The following TRPC7 variants were observed in gnomAD, a reference collection of about 807,000 sequenced individuals.
TRPC7 encodes the protein short transient receptor potential channel 7.
In TRPC7, 42 loss-of-function variants were observed where a neutral mutation model predicts 90.1. That is an observed-to-expected ratio of 0.47 (90% CI 0.36 to 0.60). The LOEUF (loss-of-function observed/expected upper bound fraction) is 0.60. Among genes scored for constraint, TRPC7 ranks in the 20% least tolerant of loss-of-function variants. TRPC7 has a pLI of 0.00. For missense variants in TRPC7, 955 were observed against 1,112.3 expected (o/e 0.86, Z 2.01); for synonymous variants, 451 against 436.3 (o/e 1.03, Z -0.42).
chr5:136,240,511 C>A lies in TRPC7; in HGVS notation c.1844+6960G>T, dbSNP rs755504399. Among the ~76,000 whole-genome samples, 37 of 152,222 alleles carry A rather than the reference C, an allele frequency of 2.4e-4. 1 individual carries two copies. Among genetic ancestry groups the A allele is most frequent in the Non-Finnish European group, 5.9e-5 (4 of 68,042 alleles). On this transcript the variant is annotated intron_variant, in intron 7 of 11. Coordinates refer to ENST00000513104, the MANE Select transcript of TRPC7 (RefSeq NM_020389.3). ...AAACCTGCTCTATCCAGGGGAGAATCACAGTCTGCATATTAAAGCTGAGAT... is the reference window on the plus strand; with the variant it reads ...AAACCTGCTCTATCCAGGGGAGAATAACAGTCTGCATATTAAAGCTGAGAT...
chr5:136,316,274 G>A (rs535810911), intron 2 of TRPC7, among the ~76,000 whole-genome samples: 10 of 152,190 alleles, frequency 6.6e-5, no homozygotes, highest in South Asian at 6.2e-4. Flanking sequence ...ATAACACTTC[G>A]CTCATTTACC....
At position 136,356,869 on chromosome 5, in the gene TRPC7, G is replaced by GGA; in HGVS notation, c.518_519insTC (p.Cys174ProfsTer47). The GGA allele has an allele frequency of 6.2e-7, 1 of 1,613,934 alleles. No individual in the cohort carries two copies. The highest frequency in any genetic ancestry group is 8.5e-7 in the Non-Finnish European group (1 of 1,179,944). On this transcript the variant is annotated frameshift_variant, in exon 2 of 12. Transcript: ENST00000513104. LOFTEE classifies it high-confidence loss of function. ...TGTGCACGATCTCATACTCCTGGCAGTGCGCCGCCAGGATGATGGGCGTGA... is the reference window on the plus strand; with the variant it reads ...TGTGCACGATCTCATACTCCTGGCAGGATGCGCCGCCAGGATGATGGGCGTGA...
chr5:136,268,807 T>C (rs1480621551), intron 4 of TRPC7, among the ~76,000 whole-genome samples: 3 of 152,166 alleles, frequency 2.0e-5, no homozygotes, highest in Non-Finnish European at 4.4e-5. Flanking sequence ...AAAAGTGAGG[T>C]TGGGAATTGA....
intron 3 of TRPC7, among the ~76,000 whole-genome samples, chr5:136,289,598 G>T (rs1308866164): frequency 6.6e-6 from 1 of 152,234 alleles, no homozygotes; most frequent in African/African-American, 2.4e-5. Context: ...GCTGGGGGAG[G>T]GGCGCCTGCC....
intron 10 of TRPC7, 39 bp from the exon 11 acceptor site, chr5:136,216,314 C>T (rs1333981937): frequency 1.7e-5 from 26 of 1,555,490 alleles, no homozygotes; most frequent in Non-Finnish European, 2.2e-5. Context: ...ACAGGGCTGG[C>T]CTAATGCAGA....
intron 10 of TRPC7, among the ~76,000 whole-genome samples, chr5:136,223,074 T>C (rs958399341): frequency 1.3e-5 from 2 of 152,242 alleles, no homozygotes; most frequent in Non-Finnish European, 2.9e-5. Flanking sequence ...CCCTTTCCTC[T>C]GATGCCTACT....
At chr5:136,263,957 A>T (rs923034600) in intron 5 of TRPC7, among the ~76,000 whole-genome samples, 1 of 152,192 alleles carries the variant, frequency 6.6e-6, no homozygotes, top group African/African-American at 2.4e-5. Context: ...TCTTCTCTTG[A>T]TTTTTTGCAT....
chr5:136,272,880 C>T lies in TRPC7; in HGVS notation c.1128+1793G>A, dbSNP rs189322977. ...CTAGGCCCAAGAAATTCTAGAAATC[C>T]CTCTCTGCAACCACACACTTTTTAA... On this transcript the variant is annotated intron_variant, in intron 4 of 11. Transcript: ENST00000513104. Among the ~76,000 whole-genome samples, 330 of 152,204 alleles carry T rather than the reference C, an allele frequency of 2.2e-3. 3 individuals carry two copies. Among genetic ancestry groups the T allele is most frequent in the Admixed American group, 9.8e-3 (150 of 15,284 alleles).
At chr5:136,225,422 A>C (rs1755594352) in intron 9 of TRPC7, 68 bp from the exon 10 acceptor site, 1 of 1,489,244 alleles carries the variant, frequency 6.7e-7, no homozygotes, top group Non-Finnish European at 9.2e-7. Flanking sequence ...CATATCTCGT[A>C]GGACTTGAAC....
chr5:136,268,297 T>C (rs1177655182), intron 4 of TRPC7, among the ~76,000 whole-genome samples: 1 of 151,584 alleles, frequency 6.6e-6, no homozygotes, highest in Admixed American at 6.6e-5. Context: ...TGATGGGAGA[T>C]GGAGAATGAC....
At chr5:136,358,783 T>G (rs1760470004) in intron 1 of TRPC7, among the ~76,000 whole-genome samples, 1 of 152,210 alleles carries the variant, frequency 6.6e-6, no homozygotes, top group African/African-American at 2.4e-5. Context: ...TCTTAAACTT[T>G]TTTGATTCTC....
chr5:136,290,895 G>A (rs1277230619), intron 3 of TRPC7, among the ~76,000 whole-genome samples: 1 of 152,240 alleles, frequency 6.6e-6, no homozygotes, highest in African/African-American at 2.4e-5. Context: ...CAGAGAGAAA[G>A]GTTGAGTTAC....
intron 3 of TRPC7, among the ~76,000 whole-genome samples, chr5:136,290,932 C>G (rs979648642): frequency 1.3e-5 from 2 of 152,228 alleles, no homozygotes; most frequent in Non-Finnish European, 2.9e-5. Flanking sequence ...ATCAGACTAA[C>G]AGCTGATCTC....
rs560845575 is a variant in TRPC7, at chr5:136,356,932, A to G, written c.456T>C (p.Tyr152=). Residue 152 remains tyrosine (Y), a synonymous_variant, in exon 2 of 12, where the codon TAT becomes TAC. Transcript: ENST00000513104. The stretch of plus-strand genomic sequence containing the variant: ...AGCGCGTGCCGTCCTCGTCGTAGGC[A>G]TAGAAGTCGTCGTCGCGCAGCTCCT... ...LEQELRDDDF[Y]AYDEDGTRFS... is the part of the protein sequence containing the mutation. 8 of 1,613,520 alleles carry G rather than the reference A, an allele frequency of 5.0e-6. No homozygotes were observed. The South Asian group carries it at 7.7e-5, about 16-fold the overall frequency.
At chr5:136,334,514 T>C (rs1759591549) in intron 2 of TRPC7, among the ~76,000 whole-genome samples, 1 of 152,222 alleles carries the variant, frequency 6.6e-6, no homozygotes, top group African/African-American at 2.4e-5. Context: ...CTGACACTCC[T>C]CTTTGTCACC....
intron 5 of TRPC7, among the ~76,000 whole-genome samples, chr5:136,265,977 T>C (rs1173442014): frequency 4.6e-5 from 7 of 152,216 alleles, no homozygotes; most frequent in African/African-American, 1.7e-4. Flanking sequence ...ATGTTCAATA[T>C]ATGTACTTAA....
At chr5:136,240,718 C>T (rs184782281) in intron 7 of TRPC7, among the ~76,000 whole-genome samples, 4 of 152,146 alleles carry the variant, frequency 2.6e-5, no homozygotes, top group East Asian at 1.9e-4. Context: ...TGGACTCATG[C>T]GGATTTGGAT....
intron 2 of TRPC7, among the ~76,000 whole-genome samples, chr5:136,327,273 T>A (rs1212687849): frequency 6.6e-6 from 1 of 152,160 alleles, no homozygotes; most frequent in East Asian, 1.9e-4. Flanking sequence ...TGAAATATAA[T>A]TCAAAGGTAG....
chr5:136,257,393 G>C (rs1756720361), intron 5 of TRPC7, among the ~76,000 whole-genome samples: 1 of 152,014 alleles, frequency 6.6e-6, no homozygotes, highest in African/African-American at 2.4e-5. Flanking sequence ...ATATTGGCCA[G>C]GCTGGTCTCA....
Sources: allele counts gnomAD v4.1 joint callset (sites outside exome capture counted in the v4.1 genomes callset), GRCh38; gene constraint gnomAD v4.1.1; transcripts MANE v1.5; gene names NCBI Gene and HGNC (gene_info 2026-07-23, HGNC 2026-07-21).